Variants in SAMD5 observed in about 807,000 individuals in gnomAD.
SAMD5 encodes the protein sterile alpha motif domain containing 5, also known as sterile alpha motif domain-containing protein 5.
Under a neutral mutation model 11.3 loss-of-function variants are expected in SAMD5, and 13 were observed. That is an observed-to-expected ratio of 1.15 (90% confidence interval 0.75 to 1.83). SAMD5 has a LOEUF of 1.83. SAMD5 is among the 40% of genes most tolerant of loss of function. The pLI, the probability that SAMD5 is intolerant of heterozygous loss-of-function variation, is 0.00. For synonymous variants in SAMD5, 129 were observed against 111.3 expected (o/e 1.16, Z -1.00); for missense variants, 255 against 239.1 (o/e 1.07, Z -0.44).
chr6:147,880,267 C>CCT, the SAMD5 span, among the ~76,000 whole-genome samples: 2,884 of 149,370 alleles, frequency 0.019, 37 homozygotes, highest in Middle Eastern at 0.031. Flanking sequence ...CAAGTCAGTT[C>CCT]CTCTCTCTCT....
At position 147,534,838 on chromosome 6, in the gene SAMD5, G is replaced by T. The variant is rs1008862827; in HGVS notation, c.459+25451G>T. On this transcript the variant is annotated intron_variant, in intron 1 of 1. Transcript: ENST00000367474. ...CTAAACCATAATTTTTAATTTTGTGGCGGATGTTAGTCCTACAAAAGCAAT... is the reference window on the plus strand; with the variant it reads ...CTAAACCATAATTTTTAATTTTGTGTCGGATGTTAGTCCTACAAAAGCAAT... Among the ~76,000 whole-genome samples, 19 of 152,164 alleles carry T rather than the reference G, an allele frequency of 1.2e-4. 1 individual carries two copies. The highest frequency in any genetic ancestry group is 5.9e-5 in the Non-Finnish European group (4 of 68,034).
chr6:147,909,812 GA>G, the SAMD5 span, among the ~76,000 whole-genome samples: 2 of 152,046 alleles, frequency 1.3e-5, no homozygotes, highest in Non-Finnish European at 1.5e-5. Flanking sequence ...GCTCTTTAGA[GA>G]AAAAGTTTGC....
At chr6:147,770,032 C>A in the SAMD5 span, among the ~76,000 whole-genome samples, 1 of 152,188 alleles carries the variant, frequency 6.6e-6, no homozygotes, top group African/African-American at 2.4e-5. Flanking sequence ...AATAGGCTAA[C>A]TGCTTACTGG....
chr6:147,883,535 A>G, the SAMD5 span, among the ~76,000 whole-genome samples: 78 of 150,970 alleles, frequency 5.2e-4, no homozygotes, highest in Non-Finnish European at 1.0e-3. Flanking sequence ...CTACATAGAA[A>G]ACTGTTCTGT....
At chr6:147,822,721 GC>G in the SAMD5 span, among the ~76,000 whole-genome samples, 19 of 152,274 alleles carry the variant, frequency 1.2e-4, no homozygotes, top group South Asian at 4.0e-3. Flanking sequence ...CATCCTTTGT[GC>G]CCCCAGGTTT....
At chr6:147,531,935 G>A (rs1429050984) in intron 1 of SAMD5, among the ~76,000 whole-genome samples, 1 of 151,990 alleles carries the variant, frequency 6.6e-6, no homozygotes, top group Non-Finnish European at 1.5e-5. Context: ...AATTTCTCTT[G>A]GAGAAGATAA....
intron 1 of SAMD5, among the ~76,000 whole-genome samples, chr6:147,715,295 G>T (rs1336415517): frequency 6.6e-6 from 1 of 152,216 alleles, no homozygotes; most frequent in African/African-American, 2.4e-5. Context: ...GTGAGCATGG[G>T]CTCCAAACAC....
intron 1 of SAMD5, among the ~76,000 whole-genome samples, chr6:147,703,659 A>G (rs60380367): frequency 0.058 from 8,770 of 152,228 alleles, 556 homozygotes; most frequent in African/African-American, 0.16. Flanking sequence ...TCCTTTCTCT[A>G]TGCTAGAGAT....
chr6:147,914,089 G>C, the SAMD5 span, among the ~76,000 whole-genome samples: 1 of 152,046 alleles, frequency 6.6e-6, no homozygotes, highest in Non-Finnish European at 1.5e-5. Context: ...TACGGCCCAG[G>C]ATGGCTTAGA....
the SAMD5 span, among the ~76,000 whole-genome samples, chr6:147,816,301 A>AAAAAAAATATAT: frequency 1.6e-3 from 105 of 66,324 alleles, no homozygotes; most frequent in African/African-American, 3.6e-3. Flanking sequence ...AAAAAAAAAA[A>AAAAAAAATATAT]ATATATATAT....
the SAMD5 span, among the ~76,000 whole-genome samples, chr6:147,942,523 C>T: frequency 6.1e-3 from 930 of 152,328 alleles, 4 homozygotes; most frequent in African/African-American, 0.014. Flanking sequence ...GGGCATTCTT[C>T]GCTGTGTGGG....
At chr6:147,713,386 G>A (rs931308286) in intron 1 of SAMD5, among the ~76,000 whole-genome samples, 2 of 152,138 alleles carry the variant, frequency 1.3e-5, no homozygotes, top group Non-Finnish European at 2.9e-5. Flanking sequence ...GTCGAGTGCT[G>A]TAAAACATCT....
At chr6:147,919,510 C>A in the SAMD5 span, among the ~76,000 whole-genome samples, 2 of 152,160 alleles carry the variant, frequency 1.3e-5, no homozygotes, top group Non-Finnish European at 2.9e-5. Flanking sequence ...AGATTTATGA[C>A]CCTGAAACAT....
At chr6:147,749,152 A>G in the SAMD5 span, among the ~76,000 whole-genome samples, 1 of 149,446 alleles carries the variant, frequency 6.7e-6, no homozygotes, top group South Asian at 2.1e-4. Context: ...GTTGTCTGTT[A>G]CTGAATATTT....
At chr6:147,676,246 A>G (rs534480505) in intron 1 of SAMD5, 2 of 152,278 alleles carry the variant, frequency 1.3e-5, no homozygotes, top group East Asian at 3.9e-4. Flanking sequence ...CAAACCTGTG[A>G]GAAGTCTCTC....
At chr6:147,765,708 G>A in the SAMD5 span, among the ~76,000 whole-genome samples, 1 of 152,236 alleles carries the variant, frequency 6.6e-6, no homozygotes, top group African/African-American at 2.4e-5. Context: ...GGTGAGGCAC[G>A]GGCTGAAGAG....
At chr6:147,801,705 A>C in the SAMD5 span, among the ~76,000 whole-genome samples, 7 of 152,170 alleles carry the variant, frequency 4.6e-5, no homozygotes, top group South Asian at 1.4e-3. Flanking sequence ...AAACTACATC[A>C]CAGGAAAATG....
the SAMD5 span, among the ~76,000 whole-genome samples, chr6:147,787,712 TTCTGTGTG>T: frequency 6.1e-3 from 933 of 152,360 alleles, 22 homozygotes; most frequent in East Asian, 0.065. Context: ...TCGTTCTTGC[TTCTGTGTG>T]ATGCAAATTT....
intron 1 of SAMD5, among the ~76,000 whole-genome samples, chr6:147,546,795 T>G (rs1292209650): frequency 1.3e-5 from 2 of 152,222 alleles, no homozygotes; most frequent in African/African-American, 4.8e-5. Context: ...CAAAAATGCA[T>G]GGCATCTTTT....
Sources: allele counts gnomAD v4.1 joint callset (sites outside exome capture counted in the v4.1 genomes callset), GRCh38; gene constraint gnomAD v4.1.1; transcripts MANE v1.5; gene names NCBI Gene and HGNC (gene_info 2026-07-23, HGNC 2026-07-21).